Variants in EAF2 observed in about 807,000 individuals in gnomAD.
EAF2 encodes the protein ELL-associated factor 2.
In EAF2, 29 loss-of-function variants were observed where a neutral mutation model predicts 29.4. The ratio of observed to expected loss-of-function variants is 0.99; its 90% CI spans 0.73 to 1.35. The LOEUF is 1.35. Among genes scored for constraint, EAF2 ranks in the 40% most tolerant of loss-of-function variants. The pLI is 0.00. For synonymous variants in EAF2, 103 were observed against 102.5 expected, an observed-to-expected ratio of 1.00 and a Z score of -0.03; for missense variants, 292 against 312.0, an observed-to-expected ratio of 0.94 and a Z score of 0.48.
At chr3:121,865,823 C>T (rs1222487387) in intron 4 of EAF2, among the ~76,000 whole-genome samples, 1 of 152,096 alleles carries the variant, frequency 6.6e-6, no homozygotes, top group Non-Finnish European at 1.5e-5. Context: ...GCCTGAGGTT[C>T]CCTTCCTCCA....
At chr3:121,847,012 C>T (rs775554107) in intron 2 of EAF2, among the ~76,000 whole-genome samples, 18 of 152,106 alleles carry the variant, frequency 1.2e-4, no homozygotes, top group Non-Finnish European at 2.5e-4. Flanking sequence ...AAAGTCACTA[C>T]CACCACCACC....
intron 5 of EAF2, among the ~76,000 whole-genome samples, chr3:121,879,032 T>C (rs910404711): frequency 3.9e-5 from 6 of 152,168 alleles, no homozygotes; most frequent in Admixed American, 2.6e-4. Context: ...TGTCAGCATG[T>C]TATTTTTGTC....
intron 5 of EAF2, among the ~76,000 whole-genome samples, chr3:121,878,612 T>C (rs1245719688): frequency 6.6e-6 from 1 of 152,182 alleles, no homozygotes; most frequent in African/African-American, 2.4e-5. Context: ...CTCCATGAGA[T>C]AGACTTTATT....
intron 5 of EAF2, among the ~76,000 whole-genome samples, chr3:121,881,875 G>GA (rs1321443060): frequency 3.3e-5 from 5 of 151,966 alleles, no homozygotes; most frequent in Admixed American, 1.3e-4. Context: ...TGGTTTTGTA[G>GA]AAAAAGTATA....
chr3:121,844,549 T>G lies in EAF2; in HGVS notation c.201+2T>G, dbSNP rs771801409. 2 of 1,560,950 alleles carry G rather than the reference T, an allele frequency of 1.3e-6. No homozygotes were observed. Among genetic ancestry groups the G allele is most frequent in the Admixed American group, 3.5e-5 (2 of 57,394 alleles). On this transcript the variant is annotated splice_donor_variant, in intron 2 of 5. Coordinates refer to ENST00000273668, the MANE Select transcript of EAF2 (RefSeq NM_018456.6). LOFTEE classifies it high-confidence loss of function. ...ACCATAACTCTGCCAAATATAGAAGTGAGTATTTCTGTATCTTTAAAGTGA... is the reference window on the plus strand; with the variant it reads ...ACCATAACTCTGCCAAATATAGAAGGGAGTATTTCTGTATCTTTAAAGTGA...
chr3:121,876,818 G>A (rs575789400), intron 5 of EAF2, among the ~76,000 whole-genome samples: 1 of 151,800 alleles, frequency 6.6e-6, no homozygotes, highest in Non-Finnish European at 1.5e-5. Flanking sequence ...AGCAGAGAAG[G>A]AGAAGTGAAA....
intron 1 of EAF2, among the ~76,000 whole-genome samples, chr3:121,839,864 T>A (rs1708376940): frequency 1.3e-5 from 2 of 152,268 alleles, no homozygotes; most frequent in South Asian, 4.1e-4. Context: ...TACTATGCTT[T>A]AAAAAATTAC....
rs1708970305 is a variant in EAF2 at position 121,869,081 on chromosome 3, A to T, written c.485-3456A>T. ...AACAGACAACAGGAGATATCTCTAA[A>T]CACTTGAAAATTAAACACATTTCTA... On this transcript the variant is annotated intron_variant, in intron 4 of 5. Transcript: ENST00000273668. Among the ~76,000 whole-genome samples, 3 of 152,226 alleles carry T rather than the reference A, an allele frequency of 2.0e-5. No homozygotes were observed. The South Asian group carries it at 6.2e-4, about 32-fold the overall frequency.
intron 1 of EAF2, among the ~76,000 whole-genome samples, chr3:121,839,853 G>A (rs1708376831): frequency 6.6e-6 from 1 of 152,090 alleles, no homozygotes; most frequent in South Asian, 2.1e-4. Context: ...TAAAGTATGA[G>A]TACTATGCTT....
rs531770939 is a variant in EAF2, at chr3:121,855,561, C to A, written c.338+738C>A. Among the ~76,000 whole-genome samples, 46 of 152,140 alleles carry A rather than the reference C, an allele frequency of 3.0e-4. No individual in the cohort carries two copies. In the South Asian group the frequency reaches 9.3e-3, roughly 31 times the overall value. ...CTGGGAAACTCTATTTTTTAATATC[C>A]CCTCACCCCTACCATCCATGCCCTG... On this transcript the variant is annotated intron_variant, in intron 3 of 5. Transcript: ENST00000273668.
At chr3:121,848,225 G>T (rs1343174606) in intron 2 of EAF2, among the ~76,000 whole-genome samples, 1 of 152,136 alleles carries the variant, frequency 6.6e-6, no homozygotes, top group East Asian at 1.9e-4. Flanking sequence ...TTGTTCATTA[G>T]GTTGGCAGCA....
chr3:121,849,944 A>G (rs1024072092), intron 2 of EAF2, among the ~76,000 whole-genome samples: 1 of 150,592 alleles, frequency 6.6e-6, no homozygotes, highest in Non-Finnish European at 1.5e-5. Flanking sequence ...ATGTATGTAT[A>G]TATATATATA....
chr3:121,874,428 T>A (rs577201896), intron 5 of EAF2, among the ~76,000 whole-genome samples: 1 of 151,974 alleles, frequency 6.6e-6, no homozygotes, highest in South Asian at 2.1e-4. Context: ...TTGGTTGTAC[T>A]AAATGAGAAT....
At chr3:121,858,173 G>A (rs1421926972) in intron 4 of EAF2, among the ~76,000 whole-genome samples, 4 of 152,154 alleles carry the variant, frequency 2.6e-5, no homozygotes, top group East Asian at 1.9e-4. Context: ...ATAATCCTTC[G>A]GGTATATACC....
chr3:121,884,773 C>A (rs1200193455), intron 5 of EAF2, among the ~76,000 whole-genome samples: 1 of 152,186 alleles, frequency 6.6e-6, no homozygotes, highest in Non-Finnish European at 1.5e-5. Flanking sequence ...GCAGTTCATG[C>A]AAAAGACTGA....
intron 2 of EAF2, among the ~76,000 whole-genome samples, chr3:121,850,289 T>G (rs1194131439): frequency 6.6e-6 from 1 of 151,950 alleles, no homozygotes; most frequent in East Asian, 1.9e-4. Context: ...TTATATTCTT[T>G]ATTAGTTTTA....
In EAF2 at chr3:121,884,950, A is replaced by G. The variant is rs577286859; in HGVS notation, c.737-1392A>G. 4.6e-5 allele frequency among the ~76,000 whole-genome samples: 7 copies of G among 152,346 alleles called. No individual in the cohort carries two copies. The East Asian group carries it at 1.2e-3, about 25-fold the overall frequency. ...ATTTCATTCAGTCTGTTTGCTTCAG[A>G]TAAACCTGTACGATCAATGACTCTC... is the stretch of plus-strand genomic sequence containing the variant. On this transcript the variant is annotated intron_variant, in intron 5 of 5. Transcript: ENST00000273668.
At chr3:121,876,520 A>G (rs1381315901) in intron 5 of EAF2, among the ~76,000 whole-genome samples, 3 of 151,962 alleles carry the variant, frequency 2.0e-5, no homozygotes, top group African/African-American at 7.2e-5. Flanking sequence ...TATAAAGATA[A>G]CAAGTCTGTT....
Position 121,840,763 on chromosome 3 carries a change from G to A in EAF2, c.107-3690G>A, listed in dbSNP as rs1242629085. 2.4e-5 allele frequency among the ~76,000 whole-genome samples: 3 copies of A among 124,036 alleles called. No individual in the cohort carries two copies. The Admixed American group carries it at 3.2e-4, about 13-fold the overall frequency. 81.4% of individuals were successfully genotyped at this position (124,036 alleles called of 152,430 possible). A position where few individuals can be genotyped will look rare whatever the true frequency, so the allele number is the denominator to read the frequency against. ...GGAAGTTGCAGTGAGCCGAGATCTC[G>A]CCACTGCACTCCAGCCTGGGGGACA... On this transcript the variant is annotated intron_variant, in intron 1 of 5. Transcript: ENST00000273668.
Sources: gnomAD v4.1 joint callset for allele counts (sites outside exome capture counted in the v4.1 genomes callset) on GRCh38, gnomAD v4.1.1 for gene constraint, MANE v1.5 for transcripts, NCBI Gene and HGNC (gene_info 2026-07-23, HGNC 2026-07-21) for gene names.